CWF19L2: variants seen among roughly 807,000 people sequenced by gnomAD.
CWF19L2 encodes CWF19 like cell cycle control factor 2.
A neutral mutation model predicts 111.7 loss-of-function variants in CWF19L2; 98 were observed. The ratio of observed to expected loss-of-function variants is 0.88; its 90% CI spans 0.75 to 1.04. The LOEUF is 1.04. CWF19L2 is among the 50% of genes least tolerant of loss of function. CWF19L2 has a pLI of 0.00. For missense variants in CWF19L2, 1,101 were observed against 1,051.4 expected, an observed-to-expected ratio of 1.05 and a Z score of -0.65; for synonymous variants, 351 against 342.9, an observed-to-expected ratio of 1.02 and a Z score of -0.26.
At chr11:107,327,117 T>TTTC in intron 17 of CWF19L2, 64 bp from the exon 18 acceptor site, 17 of 1,336,982 alleles carry the variant, frequency 1.3e-5, no homozygotes, top group Non-Finnish European at 1.6e-5. Flanking sequence ...GAAATGAAAC[T>TTTC]ATTTCTGTTT....
intron 12 of CWF19L2, among the ~76,000 whole-genome samples, chr11:107,378,068 T>C (rs1432418500): frequency 1.3e-4 from 20 of 151,302 alleles, no homozygotes; most frequent in Admixed American, 8.5e-4. Flanking sequence ...CACAATGAGA[T>C]ACCATCTCAC....
intron 3 of CWF19L2, 134 bp from the exon 4 acceptor site, chr11:107,443,183 C>T (rs1861656001): frequency 3.1e-6 from 2 of 654,294 alleles, no homozygotes; most frequent in Non-Finnish European, 2.7e-6. Flanking sequence ...TACAAAATGG[C>T]AATGAAATTT....
intron 10 of CWF19L2, chr11:107,404,716 T>C (rs1263297): frequency 0.17 from 59,904 of 355,782 alleles, 5,942 homozygotes; most frequent in Middle Eastern, 0.26. Context: ...TGTTTTGTAT[T>C]GATAGGACCT....
chr11:107,444,629 T>A (rs1861676432), intron 3 of CWF19L2, among the ~76,000 whole-genome samples: 1 of 152,224 alleles, frequency 6.6e-6, no homozygotes, highest in Admixed American at 6.5e-5. Flanking sequence ...CAAATTTGTC[T>A]AACCAAAGTT....
intron 10 of CWF19L2, among the ~76,000 whole-genome samples, chr11:107,411,115 ACACT>A (rs1436708596): frequency 4.2e-5 from 6 of 142,558 alleles, no homozygotes; most frequent in South Asian, 2.3e-4. Context: ...ACACACACAC[ACACT>A]ATCATAAAAC....
At chr11:107,371,174 T>C (rs1860505009) in intron 12 of CWF19L2, among the ~76,000 whole-genome samples, 1 of 135,430 alleles carries the variant, frequency 7.4e-6, no homozygotes, top group Non-Finnish European at 1.6e-5. Flanking sequence ...CGGCTAATTT[T>C]TTGTATTTTT....
rs761733115 is a variant in CWF19L2 at position 107,326,960 on chromosome 11, A to T, written c.2635T>A (p.Phe879Ile). The change falls in exon 18 of 18, where the codon TTT becomes ATT. Residue 879 changes from phenylalanine to isoleucine, a missense_variant. Coordinates refer to ENST00000282251, the MANE Select transcript of CWF19L2 (RefSeq NM_152434.3). ...FEDQRKKALQ[F>I]AQWWKPYDFT... ...TCATATGGTTTCCACCACTGAGCAAACTGCAGTGCTTTTTTCCTCTGATCC... is the reference window on the plus strand; with the variant it reads ...TCATATGGTTTCCACCACTGAGCAATCTGCAGTGCTTTTTTCCTCTGATCC... 2 of 1,611,828 alleles carry T rather than the reference A, an allele frequency of 1.2e-6. No homozygotes were observed. Among genetic ancestry groups the T allele is most frequent in the South Asian group, 2.2e-5 (2 of 90,742 alleles).
At chr11:107,386,677 G>A (rs1048501167) in intron 12 of CWF19L2, among the ~76,000 whole-genome samples, 7 of 152,212 alleles carry the variant, frequency 4.6e-5, no homozygotes, top group African/African-American at 1.7e-4. Flanking sequence ...TTTATTTGCT[G>A]AATCCTTTCT....
Position 107,337,367 on chromosome 11 carries a change from T to TTGTGTGTG in CWF19L2, c.2203-662_2203-655dup, listed in dbSNP as rs5794537. ...ATAATCAGTTGTGGAGGTGTGTGTT[T>TTGTGTGTG]TGTGTGTGTGTGTGTGTGTGTGTGT... On this transcript the variant is annotated intron_variant, in intron 14 of 17. Coordinates refer to ENST00000282251, the MANE Select transcript of CWF19L2 (RefSeq NM_152434.3). 8.2e-4 allele frequency among the ~76,000 whole-genome samples: 122 copies of TTGTGTGTG among 148,216 alleles called. 1 individual carries two copies. The highest frequency in any genetic ancestry group is 5.4e-3 in the East Asian group (27 of 4,990).
chr11:107,415,551 T>C (rs1412534936), intron 10 of CWF19L2, among the ~76,000 whole-genome samples: 1 of 152,214 alleles, frequency 6.6e-6, no homozygotes, highest in Non-Finnish European at 1.5e-5. Flanking sequence ...TTGTTTTATA[T>C]GAAATGAATA....
At chr11:107,391,041 A>C (rs1860839366) in intron 11 of CWF19L2, among the ~76,000 whole-genome samples, 1 of 152,022 alleles carries the variant, frequency 6.6e-6, no homozygotes, top group East Asian at 1.9e-4. Flanking sequence ...GGATTCTTGG[A>C]CTTACACCAG....
chr11:107,416,715 T>C (rs745817338), intron 9 of CWF19L2, among the ~76,000 whole-genome samples: 13 of 152,230 alleles, frequency 8.5e-5, no homozygotes, highest in Non-Finnish European at 1.9e-4. Context: ...AGATATTTCA[T>C]TTTTACTCTA....
chr11:107,368,663 G>A (rs1242715343), intron 12 of CWF19L2, among the ~76,000 whole-genome samples: 1 of 137,914 alleles, frequency 7.3e-6, no homozygotes, highest in Admixed American at 7.1e-5. Context: ...CTGGCAGAAT[G>A]TGTTTTTCTA....
At chr11:107,369,318 A>C (rs1591167405) in intron 12 of CWF19L2, among the ~76,000 whole-genome samples, 1 of 137,968 alleles carries the variant, frequency 7.2e-6, no homozygotes, top group Admixed American at 7.1e-5. Context: ...ATACATTAGA[A>C]TTATGTATAA....
intron 6 of CWF19L2, among the ~76,000 whole-genome samples, chr11:107,434,620 G>A (rs1215791057): frequency 6.7e-6 from 1 of 148,952 alleles, no homozygotes; most frequent in Non-Finnish European, 1.5e-5. Context: ...TCAGTACACA[G>A]GACACCTACA....
intron 12 of CWF19L2, among the ~76,000 whole-genome samples, chr11:107,374,217 C>T (rs1410503895): frequency 7.8e-6 from 1 of 128,292 alleles, no homozygotes; most frequent in Non-Finnish European, 1.6e-5. Context: ...TCCAGGAGAA[C>T]TTCCCCAAAC....
intron 3 of CWF19L2, among the ~76,000 whole-genome samples, chr11:107,443,361 T>A (rs1242625018): frequency 2.0e-5 from 3 of 152,008 alleles, no homozygotes; most frequent in African/African-American, 7.3e-5. Context: ...CGCATGCCTG[T>A]AATCCCAGCT....
At chr11:107,330,868 C>T (rs994432193) in intron 16 of CWF19L2, among the ~76,000 whole-genome samples, 1 of 152,098 alleles carries the variant, frequency 6.6e-6, no homozygotes, top group African/African-American at 2.4e-5. Context: ...TCTGTACTTA[C>T]TTATTTGGGC....
chr11:107,376,166 G>A (rs1260565067), intron 12 of CWF19L2, among the ~76,000 whole-genome samples: 1 of 128,120 alleles, frequency 7.8e-6, no homozygotes, highest in Non-Finnish European at 1.6e-5. Flanking sequence ...TGGATTCACA[G>A]CCAAATTCTA....
Sources: gnomAD v4.1 joint callset for allele counts (sites outside exome capture counted in the v4.1 genomes callset) on GRCh38, gnomAD v4.1.1 for gene constraint, MANE v1.5 for transcripts, NCBI Gene and HGNC (gene_info 2026-07-23, HGNC 2026-07-21) for gene names.